Variants in TNFSF4 observed in about 807,000 individuals in gnomAD.
TNFSF4 encodes the protein TNF superfamily member 4, also known as tumor necrosis factor ligand superfamily member 4.
A neutral mutation model predicts 7.3 loss-of-function variants in TNFSF4; 4 were observed. The ratio of observed to expected loss-of-function variants is 0.55; its 90% CI spans 0.27 to 1.25. The LOEUF is 1.25. Ranked by LOEUF, TNFSF4 falls within the 50% of genes most tolerant of loss-of-function variation. The pLI is 0.12. For missense variants in TNFSF4, 181 were observed against 208.8 expected (o/e 0.87, Z 0.82); for synonymous variants, 76 against 83.7 (o/e 0.91, Z 0.50).
the TNFSF4 span, among the ~76,000 whole-genome samples, chr1:173,364,246 C>A: frequency 2.4e-5 from 2 of 83,212 alleles, no homozygotes; most frequent in Non-Finnish European, 5.2e-5. Context: ...TATATATGTA[C>A]TGATGTGGAA....
At chr1:173,224,570 T>C in the TNFSF4 span, among the ~76,000 whole-genome samples, 1 of 152,204 alleles carries the variant, frequency 6.6e-6, no homozygotes, top group African/African-American at 2.4e-5. Context: ...CTGCATGTGG[T>C]AACTCATTAA....
chr1:173,383,038 C>T, the TNFSF4 span, among the ~76,000 whole-genome samples: 2 of 152,184 alleles, frequency 1.3e-5, no homozygotes, highest in African/African-American at 4.8e-5. Flanking sequence ...CTGTTTGACA[C>T]TGTTTCATGC....
At chr1:173,396,901 C>A in the TNFSF4 span, among the ~76,000 whole-genome samples, 4 of 152,320 alleles carry the variant, frequency 2.6e-5, no homozygotes, top group East Asian at 3.9e-4. Flanking sequence ...TGTGATTGCT[C>A]TTCTCTGTAG....
At chr1:173,274,085 T>A in the TNFSF4 span, among the ~76,000 whole-genome samples, 2 of 151,400 alleles carry the variant, frequency 1.3e-5, no homozygotes, top group East Asian at 3.9e-4. Flanking sequence ...CATGAGGCAA[T>A]CTAATTAACA....
At chr1:173,326,277 C>G in the TNFSF4 span, among the ~76,000 whole-genome samples, 22 of 152,184 alleles carry the variant, frequency 1.4e-4, no homozygotes, top group African/African-American at 4.8e-4. Context: ...ACATGATTAT[C>G]TCAATAGATG....
chr1:173,395,245 C>G, the TNFSF4 span, among the ~76,000 whole-genome samples: 177 of 150,842 alleles, frequency 1.2e-3, 1 homozygote, highest in African/African-American at 4.0e-3. Flanking sequence ...ATACTAATGA[C>G]TATTTTCAGT....
chr1:173,406,931 G>A, the TNFSF4 span, among the ~76,000 whole-genome samples: 1 of 152,204 alleles, frequency 6.6e-6, no homozygotes, highest in African/African-American at 2.4e-5. Flanking sequence ...GGCCTGTTGG[G>A]TGGTACTGGG....
chr1:173,386,091 C>T, the TNFSF4 span, among the ~76,000 whole-genome samples: 1 of 152,140 alleles, frequency 6.6e-6, no homozygotes, highest in East Asian at 1.9e-4. Flanking sequence ...GCATCACAGG[C>T]CCAGAGTGTC....
chr1:173,290,953 A>T, the TNFSF4 span, among the ~76,000 whole-genome samples: 1 of 152,228 alleles, frequency 6.6e-6, no homozygotes. Context: ...TTACATGGAA[A>T]TTAAACAACT....
chr1:173,364,354 T>C, the TNFSF4 span, among the ~76,000 whole-genome samples: 1 of 148,468 alleles, frequency 6.7e-6, no homozygotes, highest in Non-Finnish European at 1.5e-5. Flanking sequence ...AATGGATGTA[T>C]GTGTACATAT....
chr1:173,241,272 C>T, the TNFSF4 span, among the ~76,000 whole-genome samples: 1 of 152,130 alleles, frequency 6.6e-6, no homozygotes, highest in Non-Finnish European at 1.5e-5. Context: ...CCTGTTAAAC[C>T]AATTTCCTTA....
At chr1:173,299,898 T>C in the TNFSF4 span, among the ~76,000 whole-genome samples, 3 of 151,822 alleles carry the variant, frequency 2.0e-5, no homozygotes, top group African/African-American at 7.2e-5. Flanking sequence ...AGGGGTAGGC[T>C]GAGGGGCTCA....
chr1:173,404,618 G>C, the TNFSF4 span, among the ~76,000 whole-genome samples: 1 of 147,370 alleles, frequency 6.8e-6, no homozygotes, highest in Non-Finnish European at 1.5e-5. Context: ...CTACAATAAG[G>C]CCATCCCTGA....
At chr1:173,357,695 C>T in the TNFSF4 span, among the ~76,000 whole-genome samples, 5 of 152,154 alleles carry the variant, frequency 3.3e-5, no homozygotes, top group Non-Finnish European at 7.4e-5. Context: ...CCACACCTAG[C>T]TAATTTTTGT....
chr1:173,301,838 A>G, the TNFSF4 span, among the ~76,000 whole-genome samples: 1 of 145,846 alleles, frequency 6.9e-6, no homozygotes, highest in South Asian at 2.2e-4. Flanking sequence ...CAGAACATAC[A>G]TTCCATAAAG....
chr1:173,226,872 C>CT, the TNFSF4 span, among the ~76,000 whole-genome samples: 13 of 152,232 alleles, frequency 8.5e-5, no homozygotes, highest in East Asian at 2.5e-3. Context: ...TTACTTATTA[C>CT]TTAATTTACT....
the TNFSF4 span, among the ~76,000 whole-genome samples, chr1:173,444,490 A>T: frequency 6.6e-6 from 1 of 151,924 alleles, no homozygotes; most frequent in East Asian, 1.9e-4. Flanking sequence ...CTCTTTGGAT[A>T]GTCAGGTTTT....
chr1:173,299,376 TCCCTTG>T, the TNFSF4 span, among the ~76,000 whole-genome samples: 3 of 151,962 alleles, frequency 2.0e-5, no homozygotes, highest in Admixed American at 2.0e-4. Context: ...AAGACCCAGT[TCCCTTG>T]CCCCAAGGTG....
the TNFSF4 span, among the ~76,000 whole-genome samples, chr1:173,222,221 G>T: frequency 6.7e-6 from 1 of 150,328 alleles, no homozygotes; most frequent in African/African-American, 2.4e-5. Flanking sequence ...TCCTATAATG[G>T]GTACTCTCCC....
Sources: allele counts gnomAD v4.1 joint callset (sites outside exome capture counted in the v4.1 genomes callset), GRCh38; gene constraint gnomAD v4.1.1; transcripts MANE v1.5; gene names NCBI Gene and HGNC (gene_info 2026-07-23, HGNC 2026-07-21).